BMP7: variants seen among roughly 807,000 people sequenced by gnomAD.
BMP7 encodes osteogenic protein 1.
In BMP7, 12 loss-of-function variants were observed where a neutral mutation model predicts 41.2. That is an observed-to-expected ratio of 0.29 (90% CI 0.19 to 0.47). The LOEUF (loss-of-function observed/expected upper bound fraction) is 0.47, where lower values mean the gene tolerates loss of function less well. Ranked by LOEUF, BMP7 falls within the 20% of genes least tolerant of loss-of-function variation. The pLI, the probability that BMP7 is intolerant of heterozygous loss-of-function variation, is 0.99. For missense variants in BMP7, 467 were observed against 606.0 expected, an observed-to-expected ratio of 0.77 and a Z score of 2.41; for synonymous variants, 248 against 250.0, an observed-to-expected ratio of 0.99 and a Z score of 0.07.
intron 1 of BMP7, among the ~76,000 whole-genome samples, chr20:57,249,922 C>T (rs1286431041): frequency 6.6e-6 from 1 of 152,122 alleles, no homozygotes; most frequent in Non-Finnish European, 1.5e-5. Context: ...GAGCCACCCA[C>T]CAGAGAGGGA....
chr20:57,233,657 G>C (rs759064791), intron 1 of BMP7, among the ~76,000 whole-genome samples: 6 of 152,104 alleles, frequency 3.9e-5, no homozygotes, highest in Non-Finnish European at 8.8e-5. Flanking sequence ...CTAACATCTG[G>C]GGTTCTTCCT....
chr20:57,266,259 C>G lies in BMP7; in HGVS notation c.-137G>C, dbSNP rs1024523305. The G allele has an allele frequency of 3.4e-6, 3 of 887,132 alleles. No individual in the cohort carries two copies. Among genetic ancestry groups the G allele is most frequent in the Non-Finnish European group, 4.5e-6 (3 of 664,178 alleles). The allele number at this position is 887,132 out of a possible 1,614,324, so 55.0% of individuals were successfully genotyped here. On this transcript the variant is annotated 5_prime_UTR_variant, in exon 1 of 7. Coordinates refer to ENST00000395863, the MANE Select transcript of BMP7 (RefSeq NM_001719.3). ...CCCGCTGCGCCCGCGCCAGACATGG[C>G]CCCTCCCCGGCCGGCCGCGCTCTGC...
intron 2 of BMP7, among the ~76,000 whole-genome samples, 190 bp from the exon 3 acceptor site, chr20:57,202,813 T>C (rs1053776240): frequency 6.6e-6 from 1 of 151,656 alleles, no homozygotes; most frequent in Non-Finnish European, 1.5e-5. Flanking sequence ...GGAAAGAGAG[T>C]GCAGAAGAGC....
At chr20:57,244,155 C>T (rs1157162330) in intron 1 of BMP7, 5 of 152,310 alleles carry the variant, frequency 3.3e-5, no homozygotes, top group Non-Finnish European at 1.5e-5. Flanking sequence ...CTGGGCCCCA[C>T]TTCCAGCATG....
At chr20:57,193,358 A>G (rs1984421253) in intron 3 of BMP7, among the ~76,000 whole-genome samples, 1 of 152,156 alleles carries the variant, frequency 6.6e-6, no homozygotes. Flanking sequence ...ACTGGCATTG[A>G]GTGGGTGGAG....
rs144660988 is a variant in BMP7, at chr20:57,174,220, T to C, written c.1035+711A>G. On this transcript the variant is annotated intron_variant, in intron 5 of 6. Coordinates refer to ENST00000395863, the MANE Select transcript of BMP7 (RefSeq NM_001719.3). This position sits in a 1 kb window ranked among gnomAD's most constrained non-coding sequence, Gnocchi z 4.3. Reference sequence around the variant, plus strand: ...ACCACCAGTTGCCCTGATGACCTCATGACAATACCCTCTCCAGGGATATTT... The same window carrying C: ...ACCACCAGTTGCCCTGATGACCTCACGACAATACCCTCTCCAGGGATATTT... 6.6e-6 allele frequency among the ~76,000 whole-genome samples: 1 copy of C among 152,250 alleles called. No homozygotes were observed. The highest frequency in any genetic ancestry group is 2.4e-5 in the African/African-American group (1 of 41,548).
intron 5 of BMP7, 133 bp from the exon 6 acceptor site, chr20:57,173,443 C>G: frequency 1.2e-6 from 1 of 847,706 alleles, no homozygotes; most frequent in Non-Finnish European, 1.9e-6. Context: ...GCCTTCTGAG[C>G]AGCAGGGGGC....
chr20:57,183,602 T>G, intron 4 of BMP7, 120 bp downstream of exon 4: 1 of 1,321,956 alleles, frequency 7.6e-7, no homozygotes, highest in Non-Finnish European at 1.1e-6. Context: ...TCCTGCTATA[T>G]TTGTTCCAGA....
intron 3 of BMP7, among the ~76,000 whole-genome samples, chr20:57,188,451 G>A (rs1984271376): frequency 6.6e-6 from 1 of 152,026 alleles, no homozygotes. Context: ...TAGGGGTTGG[G>A]GGAGCAGAGA....
intron 1 of BMP7, among the ~76,000 whole-genome samples, chr20:57,263,450 G>A (rs1290552953): frequency 2.0e-5 from 3 of 152,218 alleles, no homozygotes; most frequent in East Asian, 1.9e-4. Context: ...GGCACCCTCC[G>A]AGCAACCTGG....
At chr20:57,175,108 G>T in intron 4 of BMP7, 101 bp from the exon 5 acceptor site, 1 of 1,241,156 alleles carries the variant, frequency 8.1e-7, no homozygotes, top group Non-Finnish European at 1.1e-6. Context: ...GAACAGCAAT[G>T]AAGCACAGAC....
At chr20:57,247,140 G>T (rs1269429250) in intron 1 of BMP7, among the ~76,000 whole-genome samples, 1 of 152,146 alleles carries the variant, frequency 6.6e-6, no homozygotes, top group African/African-American at 2.4e-5. Context: ...AAGGGCCAGA[G>T]GCTGACTCCA....
chr20:57,208,438 C>G (rs1480274107), intron 2 of BMP7, among the ~76,000 whole-genome samples: 2 of 152,182 alleles, frequency 1.3e-5, no homozygotes, highest in Non-Finnish European at 2.9e-5. Context: ...CAGATGATAA[C>G]TAGTGTTACT....
chr20:57,183,654 TGCCGGGTCCC>T (rs2087112948), intron 4 of BMP7, 58 bp downstream of exon 4: 2 of 1,599,230 alleles, frequency 1.3e-6, no homozygotes, highest in Non-Finnish European at 1.7e-6. Context: ...GTCAGTCTCC[TGCCGGGTCCC>T]GCCGGGGCCC....
intron 1 of BMP7, among the ~76,000 whole-genome samples, chr20:57,264,821 C>T (rs981692694): frequency 2.3e-4 from 35 of 152,146 alleles, no homozygotes; most frequent in African/African-American, 8.2e-4. Context: ...CACCTGAGAT[C>T]GGGAGTTCGA....
rs1983825465 is a variant in BMP7 at position 57,171,982 on chromosome 20, C to G, written c.1147-874G>C. ...AGGACTCTCTAGAAGACAGTTGCCC[C>G]CTTTTAAACATGACCACAATCGCAT... On this transcript the variant is annotated intron_variant, in intron 6 of 6. Coordinates refer to ENST00000395863, the MANE Select transcript of BMP7 (RefSeq NM_001719.3). The surrounding 1 kb of genome is among the most constrained non-coding windows in gnomAD (Gnocchi z 4.5). Among the ~76,000 whole-genome samples, 1 of 152,212 alleles carries G rather than the reference C, an allele frequency of 6.6e-6. No individual in the cohort carries two copies. The highest frequency in any genetic ancestry group is 6.5e-5 in the Admixed American group (1 of 15,284).
intron 3 of BMP7, among the ~76,000 whole-genome samples, chr20:57,192,383 G>T (rs1293899926): frequency 2.0e-5 from 3 of 148,184 alleles, no homozygotes; most frequent in Non-Finnish European, 4.5e-5. Flanking sequence ...TAACGTAGGT[G>T]CTCGTGTACA....
At chr20:57,216,621 G>A (rs1204008343) in intron 2 of BMP7, among the ~76,000 whole-genome samples, 1 of 150,212 alleles carries the variant, frequency 6.7e-6, no homozygotes, top group African/African-American at 2.5e-5. Context: ...GTGAGGGACT[G>A]TCTCCTGAGG....
chr20:57,246,113 C>T (rs1034037091), intron 1 of BMP7, among the ~76,000 whole-genome samples: 4 of 152,176 alleles, frequency 2.6e-5, no homozygotes, highest in African/African-American at 9.7e-5. Flanking sequence ...TGTGTGATTG[C>T]CTTGTAAACA....
Sources: gnomAD v4.1 joint callset for allele counts (sites outside exome capture counted in the v4.1 genomes callset) on GRCh38, gnomAD v4.1.1 for gene constraint, Gnocchi (gnomAD v3.1) non-coding constraint, MANE v1.5 for transcripts, NCBI Gene and HGNC (gene_info 2026-07-23, HGNC 2026-07-21) for gene names.